Variants in ANKS1A observed in about 807,000 individuals in gnomAD.
ANKS1A encodes ankyrin repeat and SAM domain-containing protein 1A.
ANKS1A carries 55 observed loss-of-function variants against 120.3 expected under a neutral mutation model. That is an observed-to-expected ratio of 0.46 (90% confidence interval 0.37 to 0.57). The LOEUF is 0.57. Among genes scored for constraint, ANKS1A ranks in the 20% least tolerant of loss-of-function variants. ANKS1A has a pLI of 0.00. For synonymous variants in ANKS1A, 590 were observed against 604.7 expected (o/e 0.98, Z 0.36); for missense variants, 1,123 against 1,480.3 (o/e 0.76, Z 3.96).
At chr6:34,992,871 A>T (rs914762721) in intron 9 of ANKS1A, among the ~76,000 whole-genome samples, 6 of 152,180 alleles carry the variant, frequency 3.9e-5, no homozygotes, top group Non-Finnish European at 7.4e-5. Context: ...ACGCTACTAG[A>T]GTCCTTGTTG....
chr6:34,924,090 C>CGTGTGTGTGTGTGTGTGTGT (rs71794086), intron 1 of ANKS1A, among the ~76,000 whole-genome samples: 2 of 143,250 alleles, frequency 1.4e-5, no homozygotes, highest in Non-Finnish European at 3.1e-5. Context: ...GGGGCTTTTT[C>CGTGTGTGTGTGTGTGTGTGT]GTGTGTGTGT....
At chr6:34,957,594 A>C (rs847846) in intron 1 of ANKS1A, among the ~76,000 whole-genome samples, 69,070 of 152,058 alleles carry the variant, frequency 0.45, 20,500 homozygotes, top group African/African-American at 0.82. Flanking sequence ...CTGTTTAGAC[A>C]TTATGATTTA....
chr6:35,083,189 G>C lies in ANKS1A; in HGVS notation c.2870G>C (p.Gly957Ala). Residue 957 changes from glycine (G) to alanine (A), a missense_variant, in exon 19 of 24, where the codon GGG becomes GCG. Gly to Ala is a moderately conservative substitution (Grantham distance 60). This residue lies in a region of ANKS1A where 904 missense variants were observed against 1,130.4 expected (regional missense o/e 0.80). Transcript: ENST00000360359. ...LGSMLIKDLR[G>A]TESTQDACAK... ...TCCATGCTGATCAAAGATCTGCGAG[G>C]GACAGAATCCACGCAAGACGCCTGT... is the stretch of plus-strand genomic sequence containing the variant. 1 of 1,614,142 alleles carries C rather than the reference G, an allele frequency of 6.2e-7. No individual in the cohort carries two copies. Among genetic ancestry groups the C allele is most frequent in the Non-Finnish European group, 8.5e-7 (1 of 1,180,030 alleles).
chr6:35,024,146 G>A (rs931970419), intron 11 of ANKS1A, among the ~76,000 whole-genome samples: 3 of 152,134 alleles, frequency 2.0e-5, no homozygotes, highest in African/African-American at 7.2e-5. Context: ...AGCTGGCAGT[G>A]TCCTCAGCAT....
At chr6:34,951,172 A>G (rs1400618272) in intron 1 of ANKS1A, among the ~76,000 whole-genome samples, 1 of 152,198 alleles carries the variant, frequency 6.6e-6, no homozygotes, top group Non-Finnish European at 1.5e-5. Context: ...CACTGGTCTC[A>G]GTCTTTAGAA....
At chr6:34,994,444 G>A (rs374954913) in intron 10 of ANKS1A, 22 bp downstream of exon 10, 1 of 1,606,978 alleles carries the variant, frequency 6.2e-7, no homozygotes, top group African/African-American at 1.3e-5. Context: ...ACAACTCCTG[G>A]CAGAACCAAC....
At chr6:34,948,806 G>A (rs892670836) in intron 1 of ANKS1A, among the ~76,000 whole-genome samples, 2 of 152,170 alleles carry the variant, frequency 1.3e-5, no homozygotes, top group African/African-American at 2.4e-5. Flanking sequence ...GAATGTTCAC[G>A]GATCTTGGTA....
At chr6:34,953,573 A>G (rs902624192) in intron 1 of ANKS1A, among the ~76,000 whole-genome samples, 1 of 152,202 alleles carries the variant, frequency 6.6e-6, no homozygotes, top group Non-Finnish European at 1.5e-5. Flanking sequence ...TTTCTTGCTA[A>G]TGGCATTCCA....
Position 35,018,200 on chromosome 6 carries a change from T to C in ANKS1A, c.2010+141T>C, listed in dbSNP as rs1033410849. 6 of 832,260 alleles carry C rather than the reference T, an allele frequency of 7.2e-6. No individual in the cohort carries two copies. The African/African-American group carries it at 1.0e-4, about 14-fold the overall frequency. 51.6% of individuals were successfully genotyped at this position (832,260 alleles called of 1,614,324 possible). On this transcript the variant is annotated intron_variant, in intron 11 of 23. Transcript: ENST00000360359. ...CTTCACTCCGTAACTAATGTATTTC[T>C]GACAATCGTAAGAAGAGGCGAGCCT...
chr6:34,927,608 C>T lies in ANKS1A; in HGVS notation c.197+38009C>T, dbSNP rs1172399196. On this transcript the variant is annotated intron_variant, in intron 1 of 23. Coordinates refer to ENST00000360359, the MANE Select transcript of ANKS1A (RefSeq NM_015245.3). Reference sequence around the variant, plus strand: ...CGGGTCGGAAAGCCAGCCAGGAAGCCGTTCTGATAGTTCACCTCATTGGAG... The same window carrying T: ...CGGGTCGGAAAGCCAGCCAGGAAGCTGTTCTGATAGTTCACCTCATTGGAG... Among the ~76,000 whole-genome samples, 5 of 151,998 alleles carry T rather than the reference C, an allele frequency of 3.3e-5. No homozygotes were observed. The East Asian group carries it at 5.8e-4, about 18-fold the overall frequency.
intron 1 of ANKS1A, among the ~76,000 whole-genome samples, chr6:34,923,874 T>C (rs73745049): frequency 0.072 from 11,000 of 152,154 alleles, 597 homozygotes; most frequent in East Asian, 0.23. Flanking sequence ...CCATGGCCTC[T>C]CACTGCTGCA....
At chr6:34,938,929 A>T (rs993104138) in intron 1 of ANKS1A, among the ~76,000 whole-genome samples, 31 of 152,252 alleles carry the variant, frequency 2.0e-4, no homozygotes, top group African/African-American at 7.2e-4. Flanking sequence ...TGGAGGTTAC[A>T]GTGAGCTGAG....
rs1392791515 is a variant in ANKS1A at position 34,889,540 on chromosome 6, C to T, written c.138C>T (p.Gly46=). 2 of 1,270,984 alleles carry T rather than the reference C, an allele frequency of 1.6e-6. No homozygotes were observed. Among genetic ancestry groups the T allele is most frequent in the Non-Finnish European group, 2.0e-6 (2 of 1,018,294 alleles). The allele number at this position is 1,270,984 out of a possible 1,614,324, so 78.7% of individuals were successfully genotyped here. The change falls in exon 1 of 24, where the codon GGC becomes GGT. Residue 46 remains glycine, a synonymous_variant. Coordinates refer to ENST00000360359, the MANE Select transcript of ANKS1A (RefSeq NM_015245.3). The surrounding 1 kb of genome is among the most constrained non-coding windows in gnomAD (Gnocchi z 5.5). ...GGGGSGGGGG[G]SGGGGGGLGS... ...GTGGCTCTGGGGGCGGCGGCGGCGG[C>T]AGCGGCGGCGGCGGCGGCGGCCTCG...
At chr6:34,926,179 G>A (rs1332126161) in intron 1 of ANKS1A, among the ~76,000 whole-genome samples, 1 of 152,206 alleles carries the variant, frequency 6.6e-6, no homozygotes, top group Non-Finnish European at 1.5e-5. Context: ...TAGTAAAGAA[G>A]CTTTGACATT....
chr6:34,959,487 A>G (rs1770528846), intron 1 of ANKS1A, among the ~76,000 whole-genome samples: 1 of 152,224 alleles, frequency 6.6e-6, no homozygotes, highest in South Asian at 2.1e-4. Flanking sequence ...AAGGACTTAT[A>G]ATATATGGTA....
chr6:34,956,055 T>C (rs1346154562), intron 1 of ANKS1A, among the ~76,000 whole-genome samples: 1 of 152,058 alleles, frequency 6.6e-6, no homozygotes. Flanking sequence ...TGATGATCTT[T>C]TTTTCTCTCT....
chr6:34,989,028 C>T (rs1252930245), intron 8 of ANKS1A, among the ~76,000 whole-genome samples, 196 bp from the exon 9 acceptor site: 2 of 152,062 alleles, frequency 1.3e-5, no homozygotes, highest in Admixed American at 6.6e-5. Flanking sequence ...CATCAAAAAC[C>T]ATAGAGCATG....
At chr6:34,971,094 G>A in intron 3 of ANKS1A, among the ~76,000 whole-genome samples, 1 of 152,180 alleles carries the variant, frequency 6.6e-6, no homozygotes, top group Non-Finnish European at 1.5e-5. Context: ...CCATGCTCTT[G>A]TTTTACATAC....
At chr6:35,083,673 T>A (rs1435333902) in intron 20 of ANKS1A, among the ~76,000 whole-genome samples, 170 bp downstream of exon 20, 1 of 152,178 alleles carries the variant, frequency 6.6e-6, no homozygotes, top group Admixed American at 6.5e-5. Context: ...TCTCATCTGC[T>A]GGCCTGGGTG....
Sources: allele counts gnomAD v4.1 joint callset (sites outside exome capture counted in the v4.1 genomes callset), GRCh38; gene constraint gnomAD v4.1.1; regional missense constraint gnomAD v4.1.1; non-coding constraint Gnocchi (gnomAD v3.1); transcripts MANE v1.5; gene names NCBI Gene and HGNC (gene_info 2026-07-23, HGNC 2026-07-21).